R3HCC1L: variants seen among roughly 807,000 people sequenced by gnomAD.
R3HCC1L encodes the protein coiled-coil domain-containing protein R3HCC1L.
A neutral mutation model predicts 59.9 loss-of-function variants in R3HCC1L; 51 were observed. That is an observed-to-expected ratio of 0.85 (90% CI 0.68 to 1.07). The LOEUF (loss-of-function observed/expected upper bound fraction) is 1.07, where lower values mean the gene tolerates loss of function less well. Ranked by LOEUF, R3HCC1L falls within the 50% of genes least tolerant of loss-of-function variation. R3HCC1L has a pLI of 0.00. For synonymous variants in R3HCC1L, 322 were observed against 315.2 expected (o/e 1.02, Z -0.23); for missense variants, 965 against 933.0 (o/e 1.03, Z -0.45).
intron 5 of R3HCC1L, among the ~76,000 whole-genome samples, chr10:98,226,164 T>A (rs1855653169): frequency 6.6e-6 from 1 of 152,198 alleles, no homozygotes. Context: ...GGATTTATAT[T>A]TCTAAGATAT....
intron 4 of R3HCC1L, among the ~76,000 whole-genome samples, chr10:98,195,726 C>T (rs1270280218): frequency 6.6e-6 from 1 of 151,976 alleles, no homozygotes; most frequent in East Asian, 1.9e-4. Context: ...ACTTGGATAC[C>T]TCATTCTTCA....
chr10:98,222,612 G>T (rs1386526692), intron 5 of R3HCC1L, among the ~76,000 whole-genome samples: 1 of 152,030 alleles, frequency 6.6e-6, no homozygotes, highest in African/African-American at 2.4e-5. Flanking sequence ...TTTGTCAAAG[G>T]CTTTTTCTGC....
chr10:98,148,025 C>G (rs1351448123), intron 1 of R3HCC1L, among the ~76,000 whole-genome samples: 2 of 152,024 alleles, frequency 1.3e-5, no homozygotes, highest in African/African-American at 4.8e-5. Context: ...CTGTGTTACT[C>G]CCTCTAATTC....
chr10:98,230,964 A>C, intron 5 of R3HCC1L: 1 of 383,560 alleles, frequency 2.6e-6, no homozygotes, highest in Non-Finnish European at 5.1e-6. Flanking sequence ...AAGTATAACT[A>C]CTTGTACCAC....
chr10:98,217,269 G>A lies in R3HCC1L; in HGVS notation c.1785+7370G>A, dbSNP rs1854314372. ...TCCAATTTTTTCAGCACCATTTATT[G>A]AAGAGGGCGTGCTTTCCTCAGTGTT... On this transcript the variant is annotated intron_variant, in intron 5 of 9. Coordinates refer to ENST00000298999, the MANE Select transcript of R3HCC1L (RefSeq NM_001351015.2). Among the ~76,000 whole-genome samples the A allele has an allele frequency of 2.0e-5, 3 of 152,068 alleles. No homozygotes were observed. In the South Asian group the frequency reaches 6.2e-4, roughly 32 times the overall value.
chr10:98,137,648 G>A (rs567870836), intron 1 of R3HCC1L, among the ~76,000 whole-genome samples: 179 of 152,122 alleles, frequency 1.2e-3, no homozygotes, highest in African/African-American at 4.0e-3. Context: ...AACTTTAGAG[G>A]TTCCTAAAAT....
intron 4 of R3HCC1L, among the ~76,000 whole-genome samples, chr10:98,199,443 AT>A (rs146538649): frequency 0.032 from 4,725 of 148,966 alleles, 216 homozygotes; most frequent in African/African-American, 0.1. Flanking sequence ...AATTTTAGTG[AT>A]TTTTTTTTTA....
In R3HCC1L at chr10:98,209,155, C is replaced by T. The variant is rs1476359330; in HGVS notation, c.1041C>T (p.His347=). 9 of 1,613,866 alleles carry T rather than the reference C, an allele frequency of 5.6e-6. No individual in the cohort carries two copies. Among genetic ancestry groups the T allele is most frequent in the East Asian group, 4.5e-5 (2 of 44,870 alleles). Residue 347 remains histidine, a synonymous_variant, in exon 5 of 10, where the codon CAC becomes CAT. Transcript: ENST00000298999. ...DSTADELHVK[H]EPPDTAVLAH... is the part of the protein sequence containing the mutation. ...CTGCTGATGAGTTACATGTAAAGCA[C>T]GAACCTCCTGATACAGCTGTCCTTG...
intron 5 of R3HCC1L, among the ~76,000 whole-genome samples, chr10:98,222,380 C>T (rs530343524): frequency 1.3e-5 from 2 of 151,960 alleles, no homozygotes; most frequent in African/African-American, 2.4e-5. Flanking sequence ...TTTCCTTCTC[C>T]TGCCTAATTG....
chr10:98,169,570 C>T (rs1249199830), intron 4 of R3HCC1L, among the ~76,000 whole-genome samples: 2 of 152,104 alleles, frequency 1.3e-5, no homozygotes, highest in Non-Finnish European at 2.9e-5. Context: ...CTTGTAGGGC[C>T]TAAACTGTAA....
rs895856412 is a variant in R3HCC1L at position 98,234,429 on chromosome 10, G to T, written c.1962-17G>T. The T allele has an allele frequency of 6.2e-7, 1 of 1,605,828 alleles. No individual in the cohort carries two copies. The highest frequency in any genetic ancestry group is 1.3e-5 in the African/African-American group (1 of 74,762). ...AAATTTTATTTTAGGAAATAAAATT[G>T]TTTTTTTGTGTTGCAGAAAGAAAGG... On this transcript the variant is annotated splice_polypyrimidine_tract_variant and intron_variant, in intron 6 of 9. Transcript: ENST00000298999.
chr10:98,191,385 T>G (rs530244831), intron 4 of R3HCC1L, among the ~76,000 whole-genome samples: 2 of 152,366 alleles, frequency 1.3e-5, no homozygotes, highest in Middle Eastern at 6.8e-3. Context: ...GGTTTTGATT[T>G]GCGTTTCTCT....
intron 4 of R3HCC1L, among the ~76,000 whole-genome samples, chr10:98,203,048 C>T (rs932321427): frequency 8.5e-5 from 13 of 152,072 alleles, no homozygotes; most frequent in Admixed American, 7.9e-4. Flanking sequence ...ATTACAGGAT[C>T]GCTTGACAAA....
chr10:98,231,722 G>T, intron 6 of R3HCC1L, 35 bp downstream of exon 6: 1 of 1,511,048 alleles, frequency 6.6e-7, no homozygotes, highest in South Asian at 1.3e-5. Context: ...GTTAGGGAGG[G>T]TGAGATGAAG....
chr10:98,150,202 G>A (rs1846009691), intron 1 of R3HCC1L, among the ~76,000 whole-genome samples: 1 of 152,058 alleles, frequency 6.6e-6, no homozygotes, highest in Non-Finnish European at 1.5e-5. Flanking sequence ...TTGCTTTTCT[G>A]TGTTATCTTG....
At chr10:98,230,816 T>G (rs1039794319) in intron 5 of R3HCC1L, among the ~76,000 whole-genome samples, 1 of 152,226 alleles carries the variant, frequency 6.6e-6, no homozygotes, top group Non-Finnish European at 1.5e-5. Context: ...CTTTCCCGTT[T>G]TGTTTCTTTT....
At chr10:98,173,778 T>G (rs1441275781) in intron 4 of R3HCC1L, among the ~76,000 whole-genome samples, 1 of 152,076 alleles carries the variant, frequency 6.6e-6, no homozygotes, top group Non-Finnish European at 1.5e-5. Context: ...CCATAAGCTA[T>G]CTATCTCCAT....
At chr10:98,144,816 G>A (rs1845504757) in intron 1 of R3HCC1L, among the ~76,000 whole-genome samples, 1 of 152,182 alleles carries the variant, frequency 6.6e-6, no homozygotes, top group African/African-American at 2.4e-5. Flanking sequence ...CAGTATTTAT[G>A]TCAGGTTATT....
chr10:98,211,781 C>A (rs934800879), intron 5 of R3HCC1L, among the ~76,000 whole-genome samples: 4 of 152,020 alleles, frequency 2.6e-5, no homozygotes, highest in Non-Finnish European at 5.9e-5. Flanking sequence ...GGGGCTGGAA[C>A]TTGGATTCAG....
Sources: allele counts gnomAD v4.1 joint callset (sites outside exome capture counted in the v4.1 genomes callset), GRCh38; gene constraint gnomAD v4.1.1; transcripts MANE v1.5; gene names NCBI Gene and HGNC (gene_info 2026-07-23, HGNC 2026-07-21).